RPTOR: variants seen among roughly 807,000 people sequenced by gnomAD.
The protein encoded by RPTOR is regulatory-associated protein of mTOR.
RPTOR carries 21 observed loss-of-function variants against 169.9 expected under a neutral mutation model. The ratio of observed to expected loss-of-function variants is 0.12; its 90% CI spans 0.09 to 0.18. The LOEUF (loss-of-function observed/expected upper bound fraction) is 0.18. Among genes scored for constraint, RPTOR ranks in the 10% least tolerant of loss-of-function variants. The pLI is 1.00. For missense variants in RPTOR, 1,133 were observed against 1,855.9 expected, an observed-to-expected ratio of 0.61 and a Z score of 7.16; for synonymous variants, 732 against 753.2, an observed-to-expected ratio of 0.97 and a Z score of 0.46.
At chr17:80,613,601 T>G (rs571798604) in intron 1 of RPTOR, among the ~76,000 whole-genome samples, 14 of 148,890 alleles carry the variant, frequency 9.4e-5, no homozygotes, top group East Asian at 2.0e-4. Context: ...GGCTGGGCTG[T>G]GTGTTGTGTG....
intron 28 of RPTOR, among the ~76,000 whole-genome samples, chr17:80,950,344 G>A (rs1237495022): frequency 6.6e-6 from 1 of 152,150 alleles, no homozygotes; most frequent in Non-Finnish European, 1.5e-5. Flanking sequence ...ACACCTCGTG[G>A]TCAGCCTTCC....
rs151008219 is a variant in RPTOR at position 80,827,257 on chromosome 17, A to T, written c.1136+4034A>T. 5.3e-3 allele frequency among the ~76,000 whole-genome samples: 815 copies of T among 152,354 alleles called. 7 individuals are homozygous for T. Among genetic ancestry groups the T allele is most frequent in the African/African-American group, 0.019 (783 of 41,586 alleles). ...GTGGGAAATAGAATTTGAAGGTGGA[A>T]ACAGCACTAGGGAGGGCACTAGCCA... On this transcript the variant is annotated intron_variant, in intron 9 of 33. Transcript: ENST00000306801.
At chr17:80,856,874 G>A (rs750163567) in intron 12 of RPTOR, among the ~76,000 whole-genome samples, 12 of 152,182 alleles carry the variant, frequency 7.9e-5, no homozygotes, top group Admixed American at 3.3e-4. Context: ...CTGGATAAAC[G>A]AGGTATTTTT....
intron 3 of RPTOR, among the ~76,000 whole-genome samples, chr17:80,692,142 C>G (rs892821850): frequency 2.0e-5 from 3 of 152,194 alleles, no homozygotes; most frequent in Non-Finnish European, 4.4e-5. Flanking sequence ...GAGACAGGCT[C>G]TCACTGTGGC....
At chr17:80,842,781 T>C (rs2067685395) in intron 10 of RPTOR, among the ~76,000 whole-genome samples, 1 of 152,234 alleles carries the variant, frequency 6.6e-6, no homozygotes, top group South Asian at 2.1e-4. Flanking sequence ...GCAGCTTGTG[T>C]GTTTCCCTTT....
intron 1 of RPTOR, among the ~76,000 whole-genome samples, chr17:80,558,791 G>C (rs1461087408): frequency 6.6e-6 from 1 of 152,126 alleles, no homozygotes; most frequent in Admixed American, 6.5e-5. Flanking sequence ...AGGTGTTGCT[G>C]CCTGCCCAGC....
At chr17:80,892,689 T>C (rs1478798686) in intron 18 of RPTOR, 40 bp from the exon 19 acceptor site, 3 of 1,602,994 alleles carry the variant, frequency 1.9e-6, no homozygotes, top group South Asian at 1.1e-5. Context: ...GGCCTCCACC[T>C]GGAAGCCCAT....
intron 15 of RPTOR, 107 bp from the exon 16 acceptor site, chr17:80,883,674 T>C (rs2068210503): frequency 2.2e-6 from 3 of 1,347,634 alleles, no homozygotes; most frequent in Non-Finnish European, 2.1e-6. Context: ...ATTGAGCAAA[T>C]CAAGGCTTCC....
rs978243340 is a variant in RPTOR at position 80,959,546 on chromosome 17, G to C, written c.3478-532G>C. 9.2e-5 allele frequency among the ~76,000 whole-genome samples: 14 copies of C among 152,180 alleles called. No individual in the cohort carries two copies. Among genetic ancestry groups the C allele is most frequent in the Non-Finnish European group, 2.1e-4 (14 of 68,020 alleles). ...GTGGCCCTTTTCCTCCTGCGTCCCT[G>C]GCAGGTGCCATCGCCCCCGCCCCCG... On this transcript the variant is annotated intron_variant, in intron 29 of 33. Coordinates refer to ENST00000306801, the MANE Select transcript of RPTOR (RefSeq NM_020761.3). This position sits in a 1 kb window ranked among gnomAD's most constrained non-coding sequence, Gnocchi z 6.7.
At chr17:80,723,829 G>A (rs139269765) in intron 4 of RPTOR, among the ~76,000 whole-genome samples, 1 of 151,502 alleles carries the variant, frequency 6.6e-6, no homozygotes, top group African/African-American at 2.5e-5. Flanking sequence ...ACTAGGGACT[G>A]GAATAGACTA....
intron 3 of RPTOR, among the ~76,000 whole-genome samples, chr17:80,673,830 A>G (rs2065840634): frequency 6.6e-6 from 1 of 152,164 alleles, no homozygotes; most frequent in Non-Finnish European, 1.5e-5. Context: ...CTCAACTGTA[A>G]TTATTCAGTC....
intron 24 of RPTOR, among the ~76,000 whole-genome samples, chr17:80,928,733 T>C (rs2068841301): frequency 6.6e-6 from 1 of 152,234 alleles, no homozygotes; most frequent in South Asian, 2.1e-4. Context: ...CACAAAAGAA[T>C]ATTAAAAATG....
rs2067713763 is a variant in RPTOR, at chr17:80,845,134, T to C, written c.1213-1339T>C. On this transcript the variant is annotated intron_variant, in intron 10 of 33. Coordinates refer to ENST00000306801, the MANE Select transcript of RPTOR (RefSeq NM_020761.3). This position sits in a 1 kb window ranked among gnomAD's most constrained non-coding sequence, Gnocchi z 5.4. ...CCAACGGCAGCCTCCCCTGCAGCCTTCACGCTCTCCAGCCGCAGGCCCAGC... is the reference window on the plus strand; with the variant it reads ...CCAACGGCAGCCTCCCCTGCAGCCTCCACGCTCTCCAGCCGCAGGCCCAGC... Among the ~76,000 whole-genome samples the C allele has an allele frequency of 6.6e-6, 1 of 152,024 alleles. No individual in the cohort carries two copies. The highest frequency in any genetic ancestry group is 1.5e-5 in the Non-Finnish European group (1 of 67,978).
At chr17:80,577,612 C>T (rs896039892) in intron 1 of RPTOR, among the ~76,000 whole-genome samples, 15 of 152,150 alleles carry the variant, frequency 9.9e-5, no homozygotes, top group African/African-American at 2.9e-4. Context: ...CCACGGAAGT[C>T]ACTGAAGAAT....
chr17:80,589,503 G>A (rs2065088212), intron 1 of RPTOR, among the ~76,000 whole-genome samples: 1 of 152,072 alleles, frequency 6.6e-6, no homozygotes, highest in African/African-American at 2.4e-5. Context: ...AACATATTGA[G>A]GCTTTGATTG....
intron 6 of RPTOR, among the ~76,000 whole-genome samples, chr17:80,763,338 C>T (rs573012776): frequency 6.6e-6 from 1 of 152,176 alleles, no homozygotes; most frequent in South Asian, 2.1e-4. Context: ...TAAAAGAAAG[C>T]TGGGGTGGCC....
At chr17:80,827,170 A>C (rs1279143268) in intron 9 of RPTOR, among the ~76,000 whole-genome samples, 1 of 152,224 alleles carries the variant, frequency 6.6e-6, no homozygotes, top group Non-Finnish European at 1.5e-5. Context: ...CAGACCAGTC[A>C]TGGCCCTTCT....
At chr17:80,670,919 G>C (rs1391934524) in intron 3 of RPTOR, among the ~76,000 whole-genome samples, 1 of 152,062 alleles carries the variant, frequency 6.6e-6, no homozygotes, top group African/African-American at 2.4e-5. Context: ...GCTCGTCCTT[G>C]TTACCCTCTC....
chr17:80,743,705 TAGCACTGTCCTGGCTACG>T (rs1200697756), intron 5 of RPTOR, among the ~76,000 whole-genome samples: 20 of 106,982 alleles, frequency 1.9e-4, no homozygotes, highest in African/African-American at 3.8e-4. Context: ...CCCTGGCTAC[TAGCACTGTCCTGGCTACG>T]AGCACAGCCC....
Sources: gnomAD v4.1 joint callset for allele counts (sites outside exome capture counted in the v4.1 genomes callset) on GRCh38, gnomAD v4.1.1 for gene constraint, Gnocchi (gnomAD v3.1) non-coding constraint, MANE v1.5 for transcripts, NCBI Gene and HGNC (gene_info 2026-07-23, HGNC 2026-07-21) for gene names.